Variants in STX3 observed in about 807,000 individuals in gnomAD.
STX3 encodes the protein syntaxin-3.
Under a neutral mutation model 40.2 loss-of-function variants are expected in STX3, and 19 were observed. The observed-to-expected ratio is 0.47, with a 90% CI of 0.33 to 0.69. The LOEUF (loss-of-function observed/expected upper bound fraction) is 0.69. Among genes scored for constraint, STX3 ranks in the 30% least tolerant of loss-of-function variants. The probability of loss-of-function intolerance (pLI) is 0.02; values close to 1 mark genes in which losing one functional copy is unlikely to be tolerated. For missense variants in STX3, 364 were observed against 366.7 expected (o/e 0.99, Z 0.06); for synonymous variants, 122 against 132.2 (o/e 0.92, Z 0.53).
chr11:59,803,106 T>C lies in STX3; in HGVS notation c.*2282T>C, dbSNP rs1432608277. ...AGATCCATCTCCTTTTTCCTTCTGT[T>C]GCTCTCTTCCTTCACACCCTCTTCC... On this transcript the variant is annotated 3_prime_UTR_variant, in exon 11 of 11. Transcript: ENST00000337979. The C allele has an allele frequency of 8.1e-7, 1 of 1,228,958 alleles. No individual in the cohort carries two copies. The highest frequency in any genetic ancestry group is 1.0e-6 in the Non-Finnish European group (1 of 986,626). The allele number at this position is 1,228,958 out of a possible 1,614,324, so 76.1% of individuals were successfully genotyped here.
rs1388769990 is a variant in STX3, at chr11:59,802,791, C to T, written c.*1967C>T. ...TTTATTCAGGTTTTAGAATGCAGTTCACACCTTTTTAAGCCATGTGCTGGA... is the reference window on the plus strand; with the variant it reads ...TTTATTCAGGTTTTAGAATGCAGTTTACACCTTTTTAAGCCATGTGCTGGA... On this transcript the variant is annotated 3_prime_UTR_variant, in exon 11 of 11. Transcript: ENST00000337979. 1 of 986,912 alleles carries T rather than the reference C, an allele frequency of 1.0e-6. No homozygotes were observed. Among genetic ancestry groups the T allele is most frequent in the East Asian group, 1.1e-4 (1 of 8,898 alleles). The allele number at this position is 986,912 out of a possible 1,614,324, so 61.1% of individuals were successfully genotyped here. A position where few individuals can be genotyped will look rare whatever the true frequency, so the allele number is the denominator to read the frequency against.
intron 1 of STX3, among the ~76,000 whole-genome samples, chr11:59,767,965 C>G (rs1270232389): frequency 2.6e-5 from 4 of 152,130 alleles, no homozygotes; most frequent in Admixed American, 2.0e-4. Flanking sequence ...ATACTCATAT[C>G]CAGGTCAAAG....
At position 59,800,955 on chromosome 11, in the gene STX3, T is replaced by C. The variant is rs1865859289; in HGVS notation, c.*131T>C. 8 of 1,535,984 alleles carry C rather than the reference T, an allele frequency of 5.2e-6. No individual in the cohort carries two copies. The Admixed American group carries it at 1.4e-4, about 26-fold the overall frequency. On this transcript the variant is annotated 3_prime_UTR_variant, in exon 11 of 11. Coordinates refer to ENST00000337979, the MANE Select transcript of STX3 (RefSeq NM_004177.5). ...AGCGAGTGCGACCCGTTCCTTTGTT[T>C]CCTTGCAACCACCCTTGGACCTGAC...
intron 5 of STX3, among the ~76,000 whole-genome samples, chr11:59,791,529 G>A (rs1590817366): frequency 6.6e-6 from 1 of 152,156 alleles, no homozygotes; most frequent in Admixed American, 6.5e-5. Flanking sequence ...GTCTAAATTT[G>A]TATGGTGGTA....
Position 59,801,472 on chromosome 11 carries a change from GTC to G in STX3, c.*653_*654del, listed in dbSNP as rs936908007. On this transcript the variant is annotated 3_prime_UTR_variant, in exon 11 of 11. Coordinates refer to ENST00000337979, the MANE Select transcript of STX3 (RefSeq NM_004177.5). ...AACTTTGATTTTTCTCTGTGTTGTA[GTC>G]TCTCATATTTACTCAAGGAGGGACC... 5 of 986,184 alleles carry G rather than the reference GTC, an allele frequency of 5.1e-6. No individual in the cohort carries two copies. The highest frequency in any genetic ancestry group is 6.0e-6 in the Non-Finnish European group (5 of 830,468). The allele number at this position is 986,184 out of a possible 1,614,324, so 61.1% of individuals were successfully genotyped here.
At chr11:59,790,337 C>A (rs1458176251) in intron 4 of STX3, among the ~76,000 whole-genome samples, 182 bp from the exon 5 acceptor site, 1 of 152,216 alleles carries the variant, frequency 6.6e-6, no homozygotes, top group African/African-American at 2.4e-5. Context: ...AAAACCTGGT[C>A]ATCGTAAAGG....
intron 1 of STX3, among the ~76,000 whole-genome samples, chr11:59,772,697 A>G (rs985188103): frequency 1.3e-5 from 2 of 152,236 alleles, no homozygotes; most frequent in Admixed American, 6.5e-5. Context: ...GGTTTTTGCC[A>G]AGTTACCTAA....
At position 59,803,969 on chromosome 11, in the gene STX3, A is replaced by G. The variant is rs1391694774; in HGVS notation, c.*3145A>G. 6.5e-6 allele frequency: 1 copy of G among 153,120 alleles called. No individual in the cohort carries two copies. Among genetic ancestry groups the G allele is most frequent in the African/African-American group, 2.4e-5 (1 of 41,456 alleles). 9.5% of individuals were successfully genotyped at this position (153,120 alleles called of 1,614,324 possible). On this transcript the variant is annotated 3_prime_UTR_variant, in exon 11 of 11. Coordinates refer to ENST00000337979, the MANE Select transcript of STX3 (RefSeq NM_004177.5). ...AAACTTCTTAAGAAACAGGGCACCA[A>G]TCAACTACTTATTAAGAATTATGCA...
At chr11:59,795,883 T>G (rs1482197140) in intron 9 of STX3, among the ~76,000 whole-genome samples, 1 of 152,128 alleles carries the variant, frequency 6.6e-6, no homozygotes, top group Non-Finnish European at 1.5e-5. Context: ...CCTTCCCAGG[T>G]GTGCCTTGCA....
At chr11:59,783,830 G>A (rs146842843) in intron 2 of STX3, among the ~76,000 whole-genome samples, 4 of 152,272 alleles carry the variant, frequency 2.6e-5, no homozygotes, top group African/African-American at 9.6e-5. Flanking sequence ...CCATCCTGAG[G>A]TCCCAAAAAG....
chr11:59,792,064 AC>A, intron 5 of STX3, 42 bp from the exon 6 acceptor site: 1 of 1,507,772 alleles, frequency 6.6e-7, no homozygotes, highest in Non-Finnish European at 9.2e-7. Flanking sequence ...TATAACAGTT[AC>A]AGAACCACTG....
intron 1 of STX3, 49 bp from the exon 2 acceptor site, chr11:59,773,162 C>A: frequency 6.5e-7 from 1 of 1,538,058 alleles, no homozygotes; most frequent in Non-Finnish European, 9.0e-7. Flanking sequence ...AATAATTTAG[C>A]CATTTATTGT....
At chr11:59,781,089 T>C (rs1390181840) in intron 2 of STX3, among the ~76,000 whole-genome samples, 7 of 146,872 alleles carry the variant, frequency 4.8e-5, no homozygotes, top group East Asian at 1.9e-4. Flanking sequence ...TGTTTTCTTT[T>C]TTTTTTTTTT....
chr11:59,771,979 G>A (rs1863677149), intron 1 of STX3, among the ~76,000 whole-genome samples: 1 of 152,160 alleles, frequency 6.6e-6, no homozygotes, highest in East Asian at 1.9e-4. Flanking sequence ...AGATGCTGGG[G>A]GAGCCAATCA....
intron 5 of STX3, among the ~76,000 whole-genome samples, chr11:59,791,684 A>T (rs1242798850): frequency 2.6e-5 from 4 of 152,218 alleles, no homozygotes; most frequent in African/African-American, 9.7e-5. Context: ...TAATGCATCT[A>T]CTTATAAGCA....
In STX3 at chr11:59,801,346, CT is replaced by C; in HGVS notation, c.*523del. 1 of 990,534 alleles carries C rather than the reference CT, an allele frequency of 1.0e-6. No individual in the cohort carries two copies. The highest frequency in any genetic ancestry group is 1.2e-6 in the Non-Finnish European group (1 of 832,788). 61.4% of individuals were successfully genotyped at this position (990,534 alleles called of 1,614,324 possible). A position where few individuals can be genotyped will look rare whatever the true frequency, so the allele number is the denominator to read the frequency against. ...CAATCCTGTTTGTTGTCCGTATGTC[CT>C]GAAAACATGAGGGACTGGCAGATGT... is the stretch of plus-strand genomic sequence containing the variant. On this transcript the variant is annotated 3_prime_UTR_variant, in exon 11 of 11. Transcript: ENST00000337979.
intron 2 of STX3, among the ~76,000 whole-genome samples, chr11:59,775,908 A>G (rs1224071163): frequency 6.6e-6 from 1 of 152,242 alleles, no homozygotes; most frequent in Non-Finnish European, 1.5e-5. Flanking sequence ...GGGGAGGTGG[A>G]AAGAACATGA....
intron 2 of STX3, among the ~76,000 whole-genome samples, chr11:59,784,686 TAAAACCATC>T (rs1398607490): frequency 3.3e-5 from 5 of 152,214 alleles, no homozygotes; most frequent in Non-Finnish European, 7.3e-5. Flanking sequence ...CTCCTGTTTT[TAAAACCATC>T]AGATCTTGTG....
At position 59,755,559 on chromosome 11, in the gene STX3, C is replaced by G; in HGVS notation, c.-47C>G. 1 of 1,588,186 alleles carries G rather than the reference C, an allele frequency of 6.3e-7. No individual in the cohort carries two copies. Among genetic ancestry groups the G allele is most frequent in the South Asian group, 1.1e-5 (1 of 90,528 alleles). The stretch of plus-strand genomic sequence containing the variant: ...ACCTGGGAAGCGCTCACCTGGGACG[C>G]GCTCACCTGGGACGCGCTACCTGCC... On this transcript the variant is annotated 5_prime_UTR_variant, in exon 1 of 11. Coordinates refer to ENST00000337979, the MANE Select transcript of STX3 (RefSeq NM_004177.5).
Sources: gnomAD v4.1 joint callset for allele counts (sites outside exome capture counted in the v4.1 genomes callset) on GRCh38, gnomAD v4.1.1 for gene constraint, MANE v1.5 for transcripts, NCBI Gene and HGNC (gene_info 2026-07-23, HGNC 2026-07-21) for gene names.